Variants in NPHP4 observed in about 807,000 individuals in gnomAD.
The protein encoded by NPHP4 is nephrocystin 4.
In NPHP4, 151 loss-of-function variants were observed where a neutral mutation model predicts 155.8. The ratio of observed to expected loss-of-function variants is 0.97; its 90% confidence interval spans 0.85 to 1.11. NPHP4 has a LOEUF of 1.11. Ranked by LOEUF, NPHP4 falls within the 50% of genes least tolerant of loss-of-function variation. The pLI is 0.00. For missense variants in NPHP4, 1,956 were observed against 1,925.7 expected (o/e 1.02, Z -0.29); for synonymous variants, 845 against 816.8 (o/e 1.03, Z -0.59).
chr1:5,936,558 T>C (rs542619925), intron 9 of NPHP4, among the ~76,000 whole-genome samples: 1 of 151,814 alleles, frequency 6.6e-6, no homozygotes, highest in South Asian at 2.1e-4. Flanking sequence ...ATTGCTCCCA[T>C]TTAGACTTTT....
At chr1:5,864,063 C>T (rs749686186) in intron 28 of NPHP4, 30 bp from the exon 29 acceptor site, 9 of 1,606,308 alleles carry the variant, frequency 5.6e-6, no homozygotes, top group East Asian at 2.2e-5. Flanking sequence ...GGAGACGCTG[C>T]GGCCACTCAC....
In NPHP4 at chr1:5,887,417, T is replaced by A. The variant is rs1378441358; in HGVS notation, c.2354A>T (p.Glu785Val). Reference sequence around the variant, plus strand: ...CTGCTCGTATTCAGTTGCCACGACCTCAAGCTCGTGGGAGGCCTGCACAGC... The same window carrying A: ...CTGCTCGTATTCAGTTGCCACGACCACAAGCTCGTGGGAGGCCTGCACAGC... ...RPAVQASHEL[E>V]VVATEYEQDN... The change falls in exon 18 of 30, where the codon GAG (glutamate) becomes GTG (valine). Residue 785 changes from glutamate to valine, a missense_variant. By Grantham distance (121) the Glu-to-Val change is moderately radical (BLOSUM62 -2). Coordinates refer to ENST00000378156, the MANE Select transcript of NPHP4 (RefSeq NM_015102.5). 1 of 1,613,302 alleles carries A rather than the reference T, an allele frequency of 6.2e-7. No individual in the cohort carries two copies. Among genetic ancestry groups the A allele is most frequent in the South Asian group, 1.1e-5 (1 of 91,076 alleles).
intron 23 of NPHP4, 83 bp downstream of exon 23, chr1:5,873,169 G>A (rs1021728565): frequency 8.1e-7 from 1 of 1,237,724 alleles, no homozygotes; most frequent in Non-Finnish European, 1.2e-6. Context: ...TCCCCTCCAG[G>A]AGGGGAGAGA....
chr1:5,976,852 T>C (rs1328061043), intron 3 of NPHP4, among the ~76,000 whole-genome samples: 1 of 152,100 alleles, frequency 6.6e-6, no homozygotes, highest in African/African-American at 2.4e-5. Context: ...AACGAGCTCG[T>C]GGCCCTAGGT....
intron 8 of NPHP4, 100 bp from the exon 9 acceptor site, chr1:5,947,330 G>T: frequency 4.9e-6 from 6 of 1,235,070 alleles, no homozygotes; most frequent in East Asian, 2.3e-5. Context: ...GGACACCCTG[G>T]GGGACACAGG....
At chr1:5,956,925 T>G (rs1270902401) in intron 6 of NPHP4, among the ~76,000 whole-genome samples, 1 of 152,162 alleles carries the variant, frequency 6.6e-6, no homozygotes, top group Non-Finnish European at 1.5e-5. Flanking sequence ...CCAGCTCACA[T>G]CGTGGCTAGA....
Position 5,867,544 on chromosome 1 carries a change from C to T in NPHP4, c.3472+196G>A. ...GGCAGACTCAGCCGGCAAATGCGCA[C>T]CTAGTCATCTCAGAGGTGGCAAGAG... On this transcript the variant is annotated intron_variant, in intron 24 of 29. Coordinates refer to ENST00000378156, the MANE Select transcript of NPHP4 (RefSeq NM_015102.5). The surrounding 1 kb of genome is among the most constrained non-coding windows in gnomAD (Gnocchi z 4.1). 1 of 629,716 alleles carries T rather than the reference C, an allele frequency of 1.6e-6. No individual in the cohort carries two copies. Among genetic ancestry groups the T allele is most frequent in the Non-Finnish European group, 2.7e-6 (1 of 366,104 alleles). The allele number at this position is 629,716 out of a possible 1,614,324, so 39.0% of individuals were successfully genotyped here. A position where few individuals can be genotyped will look rare whatever the true frequency, so the allele number is the denominator to read the frequency against.
intron 9 of NPHP4, among the ~76,000 whole-genome samples, chr1:5,940,089 TG>T (rs1646746094): frequency 6.6e-6 from 1 of 152,172 alleles, no homozygotes; most frequent in African/African-American, 2.4e-5. Flanking sequence ...GTGTAACATT[TG>T]GGGTGCTATA....
rs1192199886 is a variant in NPHP4, at chr1:5,864,480, C to G, written c.3854G>C (p.Gly1285Ala). Residue 1285 changes from glycine to alanine, a missense_variant, in exon 28 of 30, where the codon GGG becomes GCG. Physicochemically the swap from Gly to Ala is moderately conservative, Grantham distance 60. Coordinates refer to ENST00000378156, the MANE Select transcript of NPHP4 (RefSeq NM_015102.5). ...CACGCCAACATGCAGGTCCTGCACC[C>G]CACGAGGCGGCAGCACGAAGACACC... is the stretch of plus-strand genomic sequence containing the variant. ...PKGVFVLPPR[G>A]VQDLHVGVRP... is the part of the protein sequence containing the mutation. 1 of 1,597,270 alleles carries G rather than the reference C, an allele frequency of 6.3e-7. No homozygotes were observed.
At chr1:5,878,199 G>C (rs1249298557) in intron 19 of NPHP4, among the ~76,000 whole-genome samples, 2 of 152,204 alleles carry the variant, frequency 1.3e-5, no homozygotes, top group Non-Finnish European at 1.5e-5. Flanking sequence ...GGTTCCACTT[G>C]TATGGGGCAT....
At chr1:5,964,937 A>ATTTTTTTTTTTTTTTT (rs1400602210) in intron 5 of NPHP4, among the ~76,000 whole-genome samples, 12 of 54,930 alleles carry the variant, frequency 2.2e-4, no homozygotes, top group East Asian at 8.5e-4. Context: ...ATATATATAT[A>ATTTTTTTTTTTTTTTT]TATATTTTTT....
Position 5,910,556 on chromosome 1 carries a change from G to A in NPHP4, c.1442-1343C>T, listed in dbSNP as rs974192696. 9.2e-5 allele frequency among the ~76,000 whole-genome samples: 14 copies of A among 152,162 alleles called. No individual in the cohort carries two copies. Among genetic ancestry groups the A allele is most frequent in the African/African-American group, 3.4e-4 (14 of 41,410 alleles). On this transcript the variant is annotated intron_variant, in intron 11 of 29. Coordinates refer to ENST00000378156, the MANE Select transcript of NPHP4 (RefSeq NM_015102.5). This position sits in a 1 kb window ranked among gnomAD's most constrained non-coding sequence, Gnocchi z 5.4. Reference sequence around the variant, plus strand: ...CTGAATTCCTATGGCACAGAGCACAGGCCGGCACTTACGGGACCTACGGAC... The same window carrying A: ...CTGAATTCCTATGGCACAGAGCACAAGCCGGCACTTACGGGACCTACGGAC...
rs1251807520 is a variant in NPHP4, at chr1:5,880,274, C to T, written c.2486-35G>A. ...AAACATCCCAACATAAGACATGAAC[C>T]CCAAATGAGAATCTGATGAAACAGA... is the stretch of plus-strand genomic sequence containing the variant. On this transcript the variant is annotated intron_variant, in intron 18 of 29. Transcript: ENST00000378156. The T allele has an allele frequency of 1.5e-5, 24 of 1,609,338 alleles. 1 individual carries two copies. The South Asian group carries it at 2.5e-4, about 17-fold the overall frequency.
In NPHP4 at chr1:5,905,690, GTAACTGTTCGGCA is replaced by G. The variant is rs1179512510; in HGVS notation, c.1692_1704del (p.Ala565ArgfsTer58). On this transcript the variant is annotated frameshift_variant, in exon 14 of 30. Coordinates refer to ENST00000378156, the MANE Select transcript of NPHP4 (RefSeq NM_015102.5). LOFTEE classifies it high-confidence loss of function. The surrounding 1 kb of genome is among the most constrained non-coding windows in gnomAD (Gnocchi z 4.0). ...TGCAAAGGCGTGAACGGCAGCTCCT[GTAACTGTTCGGCA>G]ATGGATGTTTCCAGGACCAGGGAGG... 3 of 1,613,934 alleles carry G rather than the reference GTAACTGTTCGGCA, an allele frequency of 1.9e-6. No individual in the cohort carries two copies. Among genetic ancestry groups the G allele is most frequent in the Non-Finnish European group, 2.5e-6 (3 of 1,179,846 alleles).
intron 9 of NPHP4, among the ~76,000 whole-genome samples, chr1:5,940,570 T>C (rs1646767162): frequency 6.6e-6 from 1 of 152,152 alleles, no homozygotes; most frequent in East Asian, 1.9e-4. Context: ...CAGCATGCGG[T>C]ATATAATAAG....
chr1:5,933,030 T>A, intron 10 of NPHP4, 117 bp downstream of exon 10: 1 of 786,816 alleles, frequency 1.3e-6, no homozygotes, highest in Non-Finnish European at 2.0e-6. Flanking sequence ...ACCCATGACA[T>A]GAAAAAAATT....
At chr1:5,864,643 A>G in intron 27 of NPHP4, 126 bp from the exon 28 acceptor site, 2 of 835,244 alleles carry the variant, frequency 2.4e-6, no homozygotes, top group Non-Finnish European at 3.6e-6. Context: ...GGGCGGCCAA[A>G]TCTGAGGCCA....
chr1:5,920,743 C>T (rs1230485093), intron 11 of NPHP4, among the ~76,000 whole-genome samples: 2 of 152,190 alleles, frequency 1.3e-5, no homozygotes, highest in African/African-American at 4.8e-5. Flanking sequence ...ATCTTCTCAT[C>T]TTACTTCCTT....
chr1:5,888,460 C>A, intron 17 of NPHP4: 1 of 1,195,290 alleles, frequency 8.4e-7, no homozygotes, highest in South Asian at 1.6e-5. Context: ...GACGCCAGAC[C>A]TGACCCTTCC....
Sources: allele counts gnomAD v4.1 joint callset (sites outside exome capture counted in the v4.1 genomes callset), GRCh38; gene constraint gnomAD v4.1.1; non-coding constraint Gnocchi (gnomAD v3.1); transcripts MANE v1.5; gene names NCBI Gene and HGNC (gene_info 2026-07-23, HGNC 2026-07-21).